Variants in MAF observed in about 807,000 individuals in gnomAD.
MAF encodes transcription factor Maf.
A neutral mutation model predicts 22.0 loss-of-function variants in MAF; 10 were observed. The ratio of observed to expected loss-of-function variants is 0.45; its 90% CI spans 0.28 to 0.77. The LOEUF (loss-of-function observed/expected upper bound fraction) is 0.77, where lower values mean the gene tolerates loss of function less well. MAF is among the 30% of genes least tolerant of loss of function. MAF has a pLI of 0.12. For missense variants in MAF, 544 were observed against 548.4 expected (o/e 0.99, Z 0.08); for synonymous variants, 337 against 255.8 (o/e 1.32, Z -3.03).
downstream of MAF, among the ~76,000 whole-genome samples, chr16:79,583,157 G>A (rs181915347): frequency 6.6e-6 from 1 of 152,180 alleles, no homozygotes; most frequent in African/African-American, 2.4e-5. Context: ...TTTATTTCTG[G>A]ATGATTACGG....
At chr16:79,595,112 A>C (rs1422242617) in intron 1 of MAF, 2 of 1,028,170 alleles carry the variant, frequency 1.9e-6, no homozygotes, top group Non-Finnish European at 2.3e-6. Context: ...TGTATCTCTT[A>C]GTTGTGATGA....
chr16:79,399,303 G>A, the MAF span, among the ~76,000 whole-genome samples: 1 of 152,176 alleles, frequency 6.6e-6, no homozygotes, highest in African/African-American at 2.4e-5. Context: ...CTCATGACAA[G>A]ACAACTATAT....
the MAF span, among the ~76,000 whole-genome samples, chr16:79,253,403 A>T: frequency 6.6e-6 from 1 of 152,190 alleles, no homozygotes; most frequent in Non-Finnish European, 1.5e-5. Context: ...GTTCACTTAA[A>T]TAACCTTATC....
chr16:79,206,942 C>G, the MAF span, among the ~76,000 whole-genome samples: 1 of 152,120 alleles, frequency 6.6e-6, no homozygotes, highest in East Asian at 1.9e-4. Context: ...GAGCAGTTTG[C>G]TTTCATTTGT....
the MAF span, among the ~76,000 whole-genome samples, chr16:79,544,229 T>A: frequency 6.6e-6 from 1 of 152,164 alleles, no homozygotes; most frequent in Non-Finnish European, 1.5e-5. Context: ...TAGCTACATA[T>A]GGCTATTTAG....
At chr16:79,297,542 T>G in the MAF span, among the ~76,000 whole-genome samples, 1 of 152,172 alleles carries the variant, frequency 6.6e-6, no homozygotes, top group African/African-American at 2.4e-5. Flanking sequence ...ACTGAACTGC[T>G]TAGAACTTCA....
At chr16:79,536,798 G>C in the MAF span, among the ~76,000 whole-genome samples, 1 of 152,092 alleles carries the variant, frequency 6.6e-6, no homozygotes, top group African/African-American at 2.4e-5. Flanking sequence ...GTTATTATAA[G>C]TAATCTAGAG....
At chr16:79,264,019 GT>G in the MAF span, among the ~76,000 whole-genome samples, 2 of 152,186 alleles carry the variant, frequency 1.3e-5, no homozygotes, top group Non-Finnish European at 2.9e-5. Context: ...AAGACAACCA[GT>G]AGTCAAAGCA....
At chr16:79,222,985 C>T in the MAF span, among the ~76,000 whole-genome samples, 2 of 152,124 alleles carry the variant, frequency 1.3e-5, no homozygotes, top group East Asian at 3.8e-4. Flanking sequence ...ACAAGGATAT[C>T]CAGGACTTGA....
At chr16:79,235,000 T>C in the MAF span, among the ~76,000 whole-genome samples, 3 of 152,078 alleles carry the variant, frequency 2.0e-5, no homozygotes, top group South Asian at 2.1e-4. Flanking sequence ...ACACATCCAG[T>C]AGCCACGGAC....
chr16:79,230,413 G>C, the MAF span, among the ~76,000 whole-genome samples: 1 of 152,182 alleles, frequency 6.6e-6, no homozygotes, highest in South Asian at 2.1e-4. Flanking sequence ...CACTGGACCA[G>C]ACCTCAGATA....
the MAF span, among the ~76,000 whole-genome samples, chr16:79,261,213 C>T: frequency 6.6e-6 from 1 of 152,144 alleles, no homozygotes; most frequent in Non-Finnish European, 1.5e-5. Context: ...AGTACAATGG[C>T]ATGATCTCAG....
chr16:79,279,394 G>A, the MAF span, among the ~76,000 whole-genome samples: 4 of 152,310 alleles, frequency 2.6e-5, no homozygotes, highest in South Asian at 2.1e-4. Context: ...TCTATTAAGG[G>A]ACACGTAAAG....
chr16:79,404,577 G>C, the MAF span, among the ~76,000 whole-genome samples: 2 of 152,110 alleles, frequency 1.3e-5, no homozygotes, highest in Non-Finnish European at 1.5e-5. Context: ...ATGGGGTGCC[G>C]CAGAGTCAAT....
the MAF span, among the ~76,000 whole-genome samples, chr16:79,266,942 C>A: frequency 3.9e-5 from 6 of 152,188 alleles, no homozygotes; most frequent in Admixed American, 1.3e-4. Flanking sequence ...GAGACTCACA[C>A]ATTCCTGGAC....
At chr16:79,481,730 A>C in the MAF span, among the ~76,000 whole-genome samples, 1 of 152,062 alleles carries the variant, frequency 6.6e-6, no homozygotes, top group Non-Finnish European at 1.5e-5. Context: ...CCATCTATAC[A>C]TCCATGCAGG....
the MAF span, among the ~76,000 whole-genome samples, chr16:79,396,252 C>T: frequency 6.6e-6 from 1 of 152,140 alleles, no homozygotes; most frequent in Non-Finnish European, 1.5e-5. Flanking sequence ...CCATCCTGGA[C>T]CTACCCCAGT....
At chr16:79,234,509 T>G in the MAF span, among the ~76,000 whole-genome samples, 1 of 152,222 alleles carries the variant, frequency 6.6e-6, no homozygotes, top group Admixed American at 6.5e-5. Context: ...CTTTAATAAC[T>G]TTTAGTGCAC....
chr16:79,498,589 C>T, the MAF span, among the ~76,000 whole-genome samples: 1 of 152,174 alleles, frequency 6.6e-6, no homozygotes, highest in Non-Finnish European at 1.5e-5. Flanking sequence ...TTACAACTCA[C>T]ACCAGCTCCT....
Sources: allele counts gnomAD v4.1 joint callset (sites outside exome capture counted in the v4.1 genomes callset), GRCh38; gene constraint gnomAD v4.1.1; transcripts MANE v1.5; gene names NCBI Gene and HGNC (gene_info 2026-07-23, HGNC 2026-07-21).